SNTB2: variants seen among roughly 807,000 people sequenced by gnomAD.
The protein encoded by SNTB2 is beta-2-syntrophin.
SNTB2 carries 34 observed loss-of-function variants against 46.2 expected under a neutral mutation model. That is an observed-to-expected ratio of 0.74 (90% confidence interval 0.56 to 0.98). SNTB2 has a LOEUF of 0.98. Ranked by LOEUF, SNTB2 falls within the 50% of genes least tolerant of loss-of-function variation. The pLI is 0.00. For missense variants in SNTB2, 603 were observed against 731.4 expected, an observed-to-expected ratio of 0.82 and a Z score of 2.02; for synonymous variants, 290 against 312.6, an observed-to-expected ratio of 0.93 and a Z score of 0.76.
Position 69,187,195 on chromosome 16 carries a change from C to CA in SNTB2, c.29_30insA (p.Gly11TrpfsTer96). 1 of 1,384,362 alleles carries CA rather than the reference C, an allele frequency of 7.2e-7. No individual in the cohort carries two copies. Among genetic ancestry groups the CA allele is most frequent in the Non-Finnish European group, 9.4e-7 (1 of 1,067,000 alleles). 85.8% of individuals were successfully genotyped at this position (1,384,362 alleles called of 1,614,324 possible). A position where few individuals can be genotyped will look rare whatever the true frequency, so the allele number is the denominator to read the frequency against. On this transcript the variant is annotated frameshift_variant, in exon 1 of 7. Transcript: ENST00000336278. LOFTEE classifies it high-confidence loss of function. Reference sequence around the variant, plus strand: ...AGGGTAGCTGCGGCGACTGCGGCGGCTGGAGCGGGGCCGGCCATGGCGGTG... The same window carrying CA: ...AGGGTAGCTGCGGCGACTGCGGCGGCATGGAGCGGGGCCGGCCATGGCGGTG...
intron 1 of SNTB2, among the ~76,000 whole-genome samples, chr16:69,240,301 C>T (rs1964598672): frequency 6.6e-6 from 1 of 152,164 alleles, no homozygotes; most frequent in Non-Finnish European, 1.5e-5. Context: ...TCACTCTGAA[C>T]TCATTCAAGG....
chr16:69,203,080 G>A (rs1429954220), intron 1 of SNTB2, among the ~76,000 whole-genome samples: 2 of 150,924 alleles, frequency 1.3e-5, no homozygotes, highest in African/African-American at 2.4e-5. Context: ...GCTCAGGGGC[G>A]CGATCTCAGC....
At chr16:69,245,562 C>A in intron 1 of SNTB2, 40 bp from the exon 2 acceptor site, 1 of 1,587,424 alleles carries the variant, frequency 6.3e-7, no homozygotes, top group Non-Finnish European at 8.6e-7. Context: ...TTATAGGAAG[C>A]AAAATTACTA....
intron 2 of SNTB2, among the ~76,000 whole-genome samples, chr16:69,258,161 A>G (rs1964796355): frequency 6.6e-6 from 1 of 152,234 alleles, no homozygotes; most frequent in Non-Finnish European, 1.5e-5. Flanking sequence ...AACTGTCTTC[A>G]GAAAATAATG....
intron 1 of SNTB2, 27 bp downstream of exon 1, chr16:69,187,773 G>GGGGGGGGGGGGGGGGGGGGGGGGGGGGC: frequency 3.0e-6 from 1 of 331,854 alleles, no homozygotes; most frequent in Non-Finnish European, 5.5e-6. Context: ...GGGAGGGTGG[G>GGGGGGGGGGGGGGGGGGGGGGGGGGGGC]CAGGCCGCGG....
chr16:69,293,229 GAACCAGAACAATCACCAGGGGA>G (rs1965191545), intron 5 of SNTB2, among the ~76,000 whole-genome samples: 1 of 152,134 alleles, frequency 6.6e-6, no homozygotes, highest in Admixed American at 6.6e-5. Context: ...TGTCCAGTCT[GAACCAGAACAATCACCAGGGGA>G]AACCCATGCT....
At chr16:69,278,220 A>G (rs1169293302) in intron 4 of SNTB2, among the ~76,000 whole-genome samples, 3 of 152,048 alleles carry the variant, frequency 2.0e-5, no homozygotes, top group Non-Finnish European at 4.4e-5. Flanking sequence ...AGAAGCTGAG[A>G]TGGGAGGATT....
At chr16:69,287,790 C>T (rs544505611) in intron 5 of SNTB2, among the ~76,000 whole-genome samples, 4 of 151,864 alleles carry the variant, frequency 2.6e-5, no homozygotes, top group East Asian at 1.9e-4. Flanking sequence ...ACCTGGGAGG[C>T]GGAGTCTGCA....
At chr16:69,217,537 T>TA (rs1409641228) in intron 1 of SNTB2, among the ~76,000 whole-genome samples, 4 of 152,206 alleles carry the variant, frequency 2.6e-5, no homozygotes, top group African/African-American at 4.8e-5. Context: ...ACTTTTGTGT[T>TA]AATCTTAGAT....
chr16:69,270,480 T>C (rs1597194335), intron 4 of SNTB2, among the ~76,000 whole-genome samples, 195 bp downstream of exon 4: 1 of 152,244 alleles, frequency 6.6e-6, no homozygotes, highest in Admixed American at 6.5e-5. Flanking sequence ...TAAATTGTTT[T>C]TATAATGAGC....
intron 3 of SNTB2, among the ~76,000 whole-genome samples, chr16:69,264,170 G>A (rs1303497239): frequency 6.6e-6 from 1 of 152,100 alleles, no homozygotes; most frequent in East Asian, 1.9e-4. Flanking sequence ...CTACTATCTT[G>A]TCTCTGCACC....
At chr16:69,276,714 A>G (rs1220816750) in intron 4 of SNTB2, among the ~76,000 whole-genome samples, 1 of 152,174 alleles carries the variant, frequency 6.6e-6, no homozygotes, top group Admixed American at 6.6e-5. Flanking sequence ...CTATTTTCAT[A>G]GTAATATTAA....
chr16:69,308,923 C>T lies in SNTB2; in HGVS notation c.*7999C>T, dbSNP rs550908206. 3 of 152,574 alleles carry T rather than the reference C, an allele frequency of 2.0e-5. No individual in the cohort carries two copies. In the South Asian group the frequency reaches 6.2e-4, roughly 32 times the overall value. 9.5% of individuals were successfully genotyped at this position (152,574 alleles called of 1,614,324 possible). A position where few individuals can be genotyped will look rare whatever the true frequency, so the allele number is the denominator to read the frequency against. ...ATATAGATGCATAAACAACACTTCC[C>T]CTTGAGTAGCACATCAACATACAGC... On this transcript the variant is annotated 3_prime_UTR_variant, in exon 7 of 7. Coordinates refer to ENST00000336278, the MANE Select transcript of SNTB2 (RefSeq NM_006750.4).
intron 1 of SNTB2, among the ~76,000 whole-genome samples, chr16:69,240,310 G>C (rs1301886477): frequency 6.6e-6 from 1 of 152,222 alleles, no homozygotes; most frequent in Non-Finnish European, 1.5e-5. Flanking sequence ...ACTCATTCAA[G>C]GTTCATGTCA....
intron 1 of SNTB2, among the ~76,000 whole-genome samples, chr16:69,228,960 A>G (rs1964482342): frequency 2.0e-5 from 3 of 152,192 alleles, no homozygotes; most frequent in Non-Finnish European, 1.5e-5. Flanking sequence ...CTGTGCATTA[A>G]TGATTTTACA....
intron 3 of SNTB2, among the ~76,000 whole-genome samples, chr16:69,266,456 G>T (rs961419628): frequency 8.6e-5 from 13 of 151,692 alleles, no homozygotes; most frequent in Non-Finnish European, 1.5e-4. Flanking sequence ...TTTTCCAATG[G>T]TAAGTAGAAG....
At chr16:69,190,320 A>G (rs1448962942) in intron 1 of SNTB2, among the ~76,000 whole-genome samples, 1 of 152,240 alleles carries the variant, frequency 6.6e-6, no homozygotes, top group African/African-American at 2.4e-5. Flanking sequence ...ATCCCACACC[A>G]GGGAAAGCTA....
At chr16:69,264,873 A>C (rs932259743) in intron 3 of SNTB2, among the ~76,000 whole-genome samples, 1 of 152,220 alleles carries the variant, frequency 6.6e-6, no homozygotes, top group African/African-American at 2.4e-5. Flanking sequence ...AGGTCCCTCA[A>C]CATCAGATGA....
chr16:69,281,977 C>T lies in SNTB2; in HGVS notation c.1149-2071C>T, dbSNP rs1392609407. 7.5e-5 allele frequency among the ~76,000 whole-genome samples: 11 copies of T among 146,024 alleles called. No individual in the cohort carries two copies. In the South Asian group the frequency reaches 2.2e-3, roughly 29 times the overall value. On this transcript the variant is annotated intron_variant, in intron 4 of 6. Transcript: ENST00000336278. Reference sequence around the variant, plus strand: ...CTGGAGTGCAGTAGCGCAATCTCGGCCACTGCAACCTCCACCTTCCCGGGT... The same window carrying T: ...CTGGAGTGCAGTAGCGCAATCTCGGTCACTGCAACCTCCACCTTCCCGGGT...
Sources: allele counts gnomAD v4.1 joint callset (sites outside exome capture counted in the v4.1 genomes callset), GRCh38; gene constraint gnomAD v4.1.1; transcripts MANE v1.5; gene names NCBI Gene and HGNC (gene_info 2026-07-23, HGNC 2026-07-21).